The following SHISA9 variants were observed in gnomAD, a reference collection of about 807,000 sequenced individuals.
The protein encoded by SHISA9 is protein shisa-9.
In SHISA9, 13 loss-of-function variants were observed where a neutral mutation model predicts 38.0. The ratio of observed to expected loss-of-function variants is 0.34; its 90% CI spans 0.22 to 0.54. The LOEUF (loss-of-function observed/expected upper bound fraction) is 0.54, where lower values mean the gene tolerates loss of function less well. SHISA9 is among the 20% of genes least tolerant of loss of function. The probability of loss-of-function intolerance (pLI) is 0.91; values close to 1 mark genes in which losing one functional copy is unlikely to be tolerated. For missense variants in SHISA9, 538 were observed against 575.8 expected (o/e 0.93, Z 0.67); for synonymous variants, 275 against 242.0 (o/e 1.14, Z -1.27).
chr16:13,444,798 CTCTTCCCTCCA>C, the SHISA9 span, among the ~76,000 whole-genome samples: 2 of 148,176 alleles, frequency 1.3e-5, no homozygotes, highest in South Asian at 4.2e-4. Flanking sequence ...TCTTCCCTCC[CTCTTCCCTCCA>C]TCTTCCCTTC....
At chr16:13,379,603 T>C in the SHISA9 span, among the ~76,000 whole-genome samples, 1 of 152,230 alleles carries the variant, frequency 6.6e-6, no homozygotes, top group Admixed American at 6.5e-5. Context: ...ACCGGGGTAA[T>C]GTCTTATTCC....
At chr16:13,197,811 A>T (rs1309516304) in intron 2 of SHISA9, among the ~76,000 whole-genome samples, 2 of 152,132 alleles carry the variant, frequency 1.3e-5, no homozygotes, top group African/African-American at 2.4e-5. Context: ...ATCTCTGGGG[A>T]TGGGGAATGT....
At chr16:13,117,475 AT>A (rs2074041601) in intron 2 of SHISA9, among the ~76,000 whole-genome samples, 1 of 152,244 alleles carries the variant, frequency 6.6e-6, no homozygotes, top group African/African-American at 2.4e-5. Flanking sequence ...GGTCTTGCAG[AT>A]GTAACCAAGT....
At chr16:13,493,948 G>A in the SHISA9 span, among the ~76,000 whole-genome samples, 2 of 151,050 alleles carry the variant, frequency 1.3e-5, no homozygotes, top group Admixed American at 1.3e-4. Context: ...TACCCCAAGG[G>A]CCTTCAGGTT....
chr16:13,516,217 G>C, the SHISA9 span, among the ~76,000 whole-genome samples: 1 of 152,190 alleles, frequency 6.6e-6, no homozygotes, highest in Non-Finnish European at 1.5e-5. Flanking sequence ...TTCTTACAGT[G>C]AAGCAAGATG....
rs1331401283 is a variant in SHISA9, at chr16:12,902,167, C to A, written c.103C>A (p.Leu35Met). 6.5e-7 allele frequency: 1 copy of A among 1,528,832 alleles called. No homozygotes were observed. The highest frequency in any genetic ancestry group is 1.2e-5 in the South Asian group (1 of 83,302). 94.7% of individuals were successfully genotyped at this position (1,528,832 alleles called of 1,614,324 possible). A position where few individuals can be genotyped will look rare whatever the true frequency, so the allele number is the denominator to read the frequency against. ...AGCGGGACACGGGCAGCTGGCGCAA[C>A]TGGGCGGCGTGTTGCTGCTGGCGGG... ...ERAGHGQLAQLGGVLLLAGGN... is the reference protein window; with the variant it reads ...ERAGHGQLAQMGGVLLLAGGN... Residue 35 changes from leucine to methionine, a missense_variant, in exon 1 of 5, where the codon CTG (leucine) becomes ATG (methionine). By Grantham distance (15) the Leu-to-Met change is conservative. This residue lies in a region of SHISA9 where 107 missense variants were observed against 103.0 expected (regional missense o/e 1.04). Transcript: ENST00000558583.
the SHISA9 span, among the ~76,000 whole-genome samples, chr16:13,361,710 A>G: frequency 6.6e-6 from 1 of 152,072 alleles, no homozygotes; most frequent in Non-Finnish European, 1.5e-5. Flanking sequence ...AAGGCATTGC[A>G]CCCTGATGGT....
intron 2 of SHISA9, among the ~76,000 whole-genome samples, chr16:12,943,631 G>A (rs2071651706): frequency 6.6e-6 from 1 of 152,078 alleles, no homozygotes; most frequent in South Asian, 2.1e-4. Flanking sequence ...TTGATTAGAG[G>A]TAACAGTCAG....
the SHISA9 span, among the ~76,000 whole-genome samples, chr16:13,304,612 A>C: frequency 2.0e-5 from 3 of 152,288 alleles, no homozygotes; most frequent in South Asian, 6.2e-4. Flanking sequence ...AGAAATGATC[A>C]AATATTGCTA....
chr16:13,409,412 C>G, the SHISA9 span, among the ~76,000 whole-genome samples: 3 of 152,252 alleles, frequency 2.0e-5, no homozygotes, highest in Non-Finnish European at 2.9e-5. Context: ...CTGGTTAACA[C>G]TTAAGCCATC....
the SHISA9 span, among the ~76,000 whole-genome samples, chr16:13,419,780 G>T: frequency 6.6e-6 from 1 of 152,172 alleles, no homozygotes; most frequent in African/African-American, 2.4e-5. Context: ...AAATAAGCAT[G>T]GCTATAACTG....
intron 2 of SHISA9, among the ~76,000 whole-genome samples, chr16:13,142,011 T>C (rs8054418): frequency 0.014 from 2,128 of 152,308 alleles, 60 homozygotes; most frequent in African/African-American, 0.047. Flanking sequence ...ACTCAGATTG[T>C]AGAAAGATTA....
chr16:13,475,008 G>A, the SHISA9 span, among the ~76,000 whole-genome samples: 1 of 152,118 alleles, frequency 6.6e-6, no homozygotes, highest in African/African-American at 2.4e-5. Flanking sequence ...GCTGTGATTT[G>A]TTTTATATTT....
At chr16:12,923,270 G>A (rs1022390162) in intron 2 of SHISA9, among the ~76,000 whole-genome samples, 4 of 152,192 alleles carry the variant, frequency 2.6e-5, no homozygotes, top group African/African-American at 4.8e-5. Context: ...TGGCTCACAC[G>A]TGTAATCCCA....
the SHISA9 span, among the ~76,000 whole-genome samples, chr16:13,414,932 C>A: frequency 6.6e-6 from 1 of 152,066 alleles, no homozygotes; most frequent in Non-Finnish European, 1.5e-5. Context: ...TGTGCCTGGC[C>A]AGGAACAAGA....
the SHISA9 span, among the ~76,000 whole-genome samples, chr16:13,502,109 G>A: frequency 6.6e-6 from 1 of 152,066 alleles, no homozygotes; most frequent in South Asian, 2.1e-4. Context: ...TGAAATAAAG[G>A]AATATATTTT....
chr16:13,193,505 C>T (rs912692606), intron 2 of SHISA9, among the ~76,000 whole-genome samples: 38 of 152,010 alleles, frequency 2.5e-4, no homozygotes, highest in African/African-American at 9.2e-4. Context: ...CTACCATGCC[C>T]GGCTAATTTT....
At chr16:13,222,410 G>C (rs2051236094) in intron 4 of SHISA9, among the ~76,000 whole-genome samples, 1 of 152,302 alleles carries the variant, frequency 6.6e-6, no homozygotes, top group East Asian at 1.9e-4. Context: ...GTTGGTTGCT[G>C]TCACTGTGTA....
chr16:13,551,376 G>A, the SHISA9 span, among the ~76,000 whole-genome samples: 1,620 of 152,234 alleles, frequency 0.011, 12 homozygotes, highest in Non-Finnish European at 0.014. Flanking sequence ...GTGGGTATTC[G>A]TATGCATCCC....
Sources: allele counts gnomAD v4.1 joint callset (sites outside exome capture counted in the v4.1 genomes callset), GRCh38; gene constraint gnomAD v4.1.1; regional missense constraint gnomAD v4.1.1; transcripts MANE v1.5; gene names NCBI Gene and HGNC (gene_info 2026-07-23, HGNC 2026-07-21).